DLGAP1: variants seen among roughly 807,000 people sequenced by gnomAD.
DLGAP1 encodes the protein DLG associated protein 1.
A neutral mutation model predicts 90.8 loss-of-function variants in DLGAP1; 11 were observed. The observed-to-expected ratio is 0.12, with a 90% confidence interval of 0.08 to 0.20. The LOEUF is 0.20. Ranked by LOEUF, DLGAP1 falls within the 10% of genes least tolerant of loss-of-function variation. The pLI, the probability that DLGAP1 is intolerant of heterozygous loss-of-function variation, is 1.00. For synonymous variants in DLGAP1, 558 were observed against 540.7 expected (o/e 1.03, Z -0.44); for missense variants, 1,050 against 1,333.8 (o/e 0.79, Z 3.31).
At chr18:4,044,022 G>A (rs2075014049) in intron 2 of DLGAP1, among the ~76,000 whole-genome samples, 1 of 152,118 alleles carries the variant, frequency 6.6e-6, no homozygotes, top group South Asian at 2.1e-4. Context: ...ATGCAAATTG[G>A]GTAATGTAAG....
At chr18:3,953,330 C>G (rs1398630013) in intron 3 of DLGAP1, among the ~76,000 whole-genome samples, 2 of 152,170 alleles carry the variant, frequency 1.3e-5, no homozygotes, top group Non-Finnish European at 2.9e-5. Context: ...CTCAGTCCCC[C>G]TCCCACCCTG....
At chr18:3,642,410 C>T (rs1441258931) in intron 7 of DLGAP1, among the ~76,000 whole-genome samples, 1 of 152,198 alleles carries the variant, frequency 6.6e-6, no homozygotes, top group Admixed American at 6.5e-5. Context: ...GGGATGCTTA[C>T]CTGGCATATG....
chr18:3,901,828 T>C (rs1346525096), intron 3 of DLGAP1, among the ~76,000 whole-genome samples: 1 of 152,192 alleles, frequency 6.6e-6, no homozygotes, highest in Non-Finnish European at 1.5e-5. Flanking sequence ...AGAATTAGGA[T>C]ATAATTCCCA....
At chr18:4,092,538 CTT>C (rs1195362880) in intron 2 of DLGAP1, among the ~76,000 whole-genome samples, 1 of 141,794 alleles carries the variant, frequency 7.1e-6, no homozygotes, top group Non-Finnish European at 1.6e-5. Context: ...ACTTAGGACT[CTT>C]TTGTACCCCT....
chr18:3,824,016 T>G (rs1032792456), intron 4 of DLGAP1, among the ~76,000 whole-genome samples: 1 of 149,312 alleles, frequency 6.7e-6, no homozygotes, highest in African/African-American at 2.5e-5. Flanking sequence ...TTTTTTCCAC[T>G]GACTATATAG....
intron 1 of DLGAP1, among the ~76,000 whole-genome samples, chr18:4,166,940 C>T (rs1236432976): frequency 2.0e-5 from 3 of 152,148 alleles, no homozygotes; most frequent in Non-Finnish European, 4.4e-5. Flanking sequence ...TGAAAAATAT[C>T]TGAAGATAGA....
At chr18:4,271,048 A>T (rs959874110) in intron 1 of DLGAP1, among the ~76,000 whole-genome samples, 5 of 152,174 alleles carry the variant, frequency 3.3e-5, no homozygotes, top group Admixed American at 2.0e-4. Flanking sequence ...CATATTCCAG[A>T]AGACACAGAA....
intron 7 of DLGAP1, among the ~76,000 whole-genome samples, chr18:3,602,548 T>C (rs1459494393): frequency 7.8e-6 from 1 of 128,484 alleles, no homozygotes; most frequent in Non-Finnish European, 1.5e-5. Context: ...GGAGCCGAGA[T>C]CGCGCCACCG....
intron 1 of DLGAP1, among the ~76,000 whole-genome samples, chr18:4,369,864 G>A (rs2081877274): frequency 6.6e-6 from 1 of 151,278 alleles, no homozygotes; most frequent in African/African-American, 2.4e-5. Context: ...AAGTGATCTG[G>A]GTGATGAAAA....
chr18:3,867,647 T>C (rs914832777), intron 4 of DLGAP1, among the ~76,000 whole-genome samples: 1 of 152,072 alleles, frequency 6.6e-6, no homozygotes, highest in Non-Finnish European at 1.5e-5. Flanking sequence ...TGGGGCCTCG[T>C]AGGCAAAAGA....
intron 1 of DLGAP1, among the ~76,000 whole-genome samples, chr18:4,335,981 T>C (rs1433172346): frequency 6.6e-6 from 1 of 152,242 alleles, no homozygotes. Context: ...TTGATTTCCA[T>C]TGCCATTTGG....
intron 1 of DLGAP1, among the ~76,000 whole-genome samples, chr18:4,422,902 A>C (rs572937117): frequency 2.6e-5 from 4 of 152,158 alleles, no homozygotes; most frequent in African/African-American, 9.6e-5. Context: ...TGAATGAATA[A>C]CATCCACAAA....
intron 5 of DLGAP1, among the ~76,000 whole-genome samples, chr18:3,776,511 T>A (rs1396671195): frequency 1.3e-5 from 2 of 152,186 alleles, no homozygotes; most frequent in Non-Finnish European, 2.9e-5. Context: ...ACCTTTAACA[T>A]GGGACCAGTT....
At chr18:3,988,517 C>T (rs1294035370) in intron 3 of DLGAP1, among the ~76,000 whole-genome samples, 1 of 152,160 alleles carries the variant, frequency 6.6e-6, no homozygotes, top group East Asian at 1.9e-4. Context: ...ATTAGATTCT[C>T]ATAAGGAGCG....
At chr18:3,577,012 A>G (rs528328972) in intron 8 of DLGAP1, among the ~76,000 whole-genome samples, 4 of 151,650 alleles carry the variant, frequency 2.6e-5, no homozygotes, top group African/African-American at 9.7e-5. Flanking sequence ...ACAGGCATGC[A>G]CCACCACACC....
chr18:3,795,706 ACTC>A (rs1417618821), intron 5 of DLGAP1, among the ~76,000 whole-genome samples: 1 of 151,636 alleles, frequency 6.6e-6, no homozygotes, highest in Non-Finnish European at 1.5e-5. Context: ...TGGACTCCCA[ACTC>A]CTGGGCCCAT....
At chr18:4,177,351 AACACACACACACACACACACAC>A (rs34299932) in intron 1 of DLGAP1, among the ~76,000 whole-genome samples, 9 of 141,662 alleles carry the variant, frequency 6.4e-5, no homozygotes, top group Admixed American at 4.2e-4. Flanking sequence ...ACTTTCTTTG[AACACACACACACACACACACAC>A]ACACACACAC....
At chr18:4,057,454 A>G (rs998316735) in intron 2 of DLGAP1, among the ~76,000 whole-genome samples, 1 of 152,162 alleles carries the variant, frequency 6.6e-6, no homozygotes, top group Admixed American at 6.5e-5. Context: ...GCCACTGCGC[A>G]TGTGGACAGC....
chr18:3,866,244 C>T (rs1399363807), intron 4 of DLGAP1, among the ~76,000 whole-genome samples: 1 of 152,152 alleles, frequency 6.6e-6, no homozygotes, highest in Non-Finnish European at 1.5e-5. Context: ...ATACAACTTA[C>T]CACACTGGGG....
Sources: gnomAD v4.1 joint callset for allele counts (sites outside exome capture counted in the v4.1 genomes callset) on GRCh38, gnomAD v4.1.1 for gene constraint, MANE v1.5 for transcripts, NCBI Gene and HGNC (gene_info 2026-07-23, HGNC 2026-07-21) for gene names.